PRKCA: variants seen among roughly 807,000 people sequenced by gnomAD.
The protein encoded by PRKCA is protein kinase C alpha type.
A neutral mutation model predicts 87.0 loss-of-function variants in PRKCA; 27 were observed. That is an observed-to-expected ratio of 0.31 (90% CI 0.23 to 0.43). The LOEUF (loss-of-function observed/expected upper bound fraction) is 0.43. Among genes scored for constraint, PRKCA ranks in the 20% least tolerant of loss-of-function variants. The probability of loss-of-function intolerance (pLI) is 1.00; values close to 1 mark genes in which losing one functional copy is unlikely to be tolerated. For missense variants in PRKCA, 518 were observed against 852.3 expected (o/e 0.61, Z 4.88); for synonymous variants, 329 against 311.1 (o/e 1.06, Z -0.61).
At chr17:66,536,313 C>T (rs978988084) in intron 3 of PRKCA, among the ~76,000 whole-genome samples, 1 of 152,176 alleles carries the variant, frequency 6.6e-6, no homozygotes, top group African/African-American at 2.4e-5. Context: ...CGGTTCAGAC[C>T]ATCTGAATGC....
At chr17:66,469,767 T>A (rs1351145908) in intron 2 of PRKCA, among the ~76,000 whole-genome samples, 1 of 152,210 alleles carries the variant, frequency 6.6e-6, no homozygotes, top group African/African-American at 2.4e-5. Context: ...ACACAATCAA[T>A]TGGGTTAAGT....
chr17:66,556,853 T>C (rs376624778), intron 3 of PRKCA, among the ~76,000 whole-genome samples: 1 of 152,204 alleles, frequency 6.6e-6, no homozygotes, highest in African/African-American at 2.4e-5. Context: ...CTTTCCCTTA[T>C]AAATTACCCC....
intron 8 of PRKCA, among the ~76,000 whole-genome samples, chr17:66,700,600 G>C (rs1254071393): frequency 6.6e-6 from 1 of 152,162 alleles, no homozygotes; most frequent in East Asian, 1.9e-4. Context: ...AATTCAGAAA[G>C]TTGCAGGATA....
At chr17:66,592,174 G>A (rs1256938575) in intron 3 of PRKCA, among the ~76,000 whole-genome samples, 1 of 151,898 alleles carries the variant, frequency 6.6e-6, no homozygotes, top group Admixed American at 6.6e-5. Flanking sequence ...GGTTAACATG[G>A]CAAAACCCCG....
chr17:66,771,931 T>C (rs1300032395), intron 13 of PRKCA, among the ~76,000 whole-genome samples: 4 of 152,204 alleles, frequency 2.6e-5, no homozygotes, highest in African/African-American at 9.7e-5. Context: ...TTCTTCCTAA[T>C]TGTTCTTTAA....
intron 5 of PRKCA, among the ~76,000 whole-genome samples, chr17:66,651,584 A>C (rs1172107831): frequency 6.6e-6 from 1 of 152,212 alleles, no homozygotes; most frequent in Admixed American, 6.5e-5. Flanking sequence ...AAGGAGATGC[A>C]CCAAGCTCCT....
At position 66,672,910 on chromosome 17, in the gene PRKCA, A is replaced by G. The variant is rs975121739; in HGVS notation, c.530-14201A>G. The stretch of plus-strand genomic sequence containing the variant: ...TGGCCATAAACATGCTAATGTGCCA[A>G]TGTTGGTTCTCCCATGCAGAAGTAT... On this transcript the variant is annotated intron_variant, in intron 5 of 16. Transcript: ENST00000413366. Among the ~76,000 whole-genome samples the G allele has an allele frequency of 4.6e-5, 7 of 152,324 alleles. No individual in the cohort carries two copies. In the East Asian group the frequency reaches 5.8e-4, roughly 13 times the overall value.
At chr17:66,784,866 GC>G (rs1975339526) in intron 14 of PRKCA, among the ~76,000 whole-genome samples, 1 of 151,996 alleles carries the variant, frequency 6.6e-6, no homozygotes, top group African/African-American at 2.4e-5. Flanking sequence ...CCTGGTGGGT[GC>G]CCCCCCAAGC....
At chr17:66,643,006 C>T (rs1971348644) in intron 4 of PRKCA, among the ~76,000 whole-genome samples, 1 of 152,122 alleles carries the variant, frequency 6.6e-6, no homozygotes, top group Admixed American at 6.5e-5. Context: ...TGCCATTGCA[C>T]TCCAGCCTGG....
intron 2 of PRKCA, among the ~76,000 whole-genome samples, chr17:66,494,900 C>T (rs1598719227): frequency 6.6e-6 from 1 of 151,936 alleles, no homozygotes; most frequent in African/African-American, 2.4e-5. Context: ...CTTAGGAGTT[C>T]GAGACTAGCC....
At chr17:66,765,468 A>G (rs537916060) in intron 13 of PRKCA, among the ~76,000 whole-genome samples, 40 of 138,998 alleles carry the variant, frequency 2.9e-4, no homozygotes, top group African/African-American at 7.7e-4. Context: ...ATATATATAC[A>G]TATTTGTCCA....
Position 66,716,498 on chromosome 17 carries a change from A to G in PRKCA, c.919-16190A>G, listed in dbSNP as rs1598893613. ...GTTGCAGATGGAAAAACTTAAGGTC[A>G]TTGGTGGGGAATCCTCATGTAAGCC... is the stretch of plus-strand genomic sequence containing the variant. On this transcript the variant is annotated intron_variant, in intron 8 of 16. Coordinates refer to ENST00000413366, the MANE Select transcript of PRKCA (RefSeq NM_002737.3). Among the ~76,000 whole-genome samples the G allele has an allele frequency of 2.0e-5, 3 of 152,136 alleles. No individual in the cohort carries two copies. In the South Asian group the frequency reaches 6.2e-4, roughly 32 times the overall value.
intron 5 of PRKCA, among the ~76,000 whole-genome samples, chr17:66,646,520 A>G (rs537891387): frequency 2.8e-4 from 43 of 152,256 alleles, no homozygotes; most frequent in African/African-American, 9.9e-4. Context: ...ATTCATTTTC[A>G]TTTGATCAGC....
At chr17:66,638,260 A>G (rs1179205080) in intron 3 of PRKCA, 2 of 152,098 alleles carry the variant, frequency 1.3e-5, no homozygotes, top group African/African-American at 4.8e-5. Flanking sequence ...CGTTGGTCAC[A>G]TCGTAGGTCT....
At chr17:66,307,696 G>T (rs543393007) in intron 2 of PRKCA, among the ~76,000 whole-genome samples, 34 of 152,162 alleles carry the variant, frequency 2.2e-4, no homozygotes, top group Non-Finnish European at 4.6e-4. Context: ...GGCTCTAGGG[G>T]GTTTTGCATG....
intron 2 of PRKCA, among the ~76,000 whole-genome samples, chr17:66,409,817 C>T (rs867281820): frequency 6.6e-5 from 10 of 152,154 alleles, no homozygotes; most frequent in Admixed American, 2.6e-4. Flanking sequence ...TGTGTCCCAG[C>T]TGAGACAGGA....
At chr17:66,485,941 G>A (rs530165500) in intron 2 of PRKCA, among the ~76,000 whole-genome samples, 8 of 152,254 alleles carry the variant, frequency 5.3e-5, no homozygotes, top group African/African-American at 1.7e-4. Context: ...TGTATAGAAC[G>A]TGTTGCAATG....
rs535100345 is a variant in PRKCA at position 66,570,995 on chromosome 17, A to G, written c.289-70360A>G. Among the ~76,000 whole-genome samples, 12 of 152,358 alleles carry G rather than the reference A, an allele frequency of 7.9e-5. No individual in the cohort carries two copies. The East Asian group carries it at 2.1e-3, about 27-fold the overall frequency. On this transcript the variant is annotated intron_variant, in intron 3 of 16. Transcript: ENST00000413366. Reference sequence around the variant, plus strand: ...GTTGCTGTGAAGGTAAGGGAAGGTAATATCTGTGAGCACTGTTTGCAAATT... The same window carrying G: ...GTTGCTGTGAAGGTAAGGGAAGGTAGTATCTGTGAGCACTGTTTGCAAATT...
Position 66,792,046 on chromosome 17 carries a change from G to A in PRKCA, c.1854+3067G>A, listed in dbSNP as rs905262385. ...ATCAGGCAAATGTCACACAGCTAGC[G>A]ACTCTCACCGTGAGCCCATTTCTGA... On this transcript the variant is annotated intron_variant, in intron 16 of 16. Transcript: ENST00000413366. This position sits in a 1 kb window ranked among gnomAD's most constrained non-coding sequence, Gnocchi z 4.5. Among the ~76,000 whole-genome samples the A allele has an allele frequency of 2.0e-5, 3 of 152,180 alleles. No homozygotes were observed. The highest frequency in any genetic ancestry group is 6.5e-5 in the Admixed American group (1 of 15,278).
Sources: gnomAD v4.1 joint callset for allele counts (sites outside exome capture counted in the v4.1 genomes callset) on GRCh38, gnomAD v4.1.1 for gene constraint, Gnocchi (gnomAD v3.1) non-coding constraint, MANE v1.5 for transcripts, NCBI Gene and HGNC (gene_info 2026-07-23, HGNC 2026-07-21) for gene names.